The following RAB11FIP2 variants were observed in gnomAD, a reference collection of about 807,000 sequenced individuals.
The protein encoded by RAB11FIP2 is RAB11 family interacting protein 2.
A neutral mutation model predicts 40.9 loss-of-function variants in RAB11FIP2; 16 were observed. That is an observed-to-expected ratio of 0.39 (90% CI 0.26 to 0.59). RAB11FIP2 has a LOEUF of 0.59. Among genes scored for constraint, RAB11FIP2 ranks in the 20% least tolerant of loss-of-function variants. RAB11FIP2 has a pLI of 0.53. For synonymous variants in RAB11FIP2, 228 were observed against 213.7 expected, an observed-to-expected ratio of 1.07 and a Z score of -0.58; for missense variants, 532 against 606.2, an observed-to-expected ratio of 0.88 and a Z score of 1.28.
chr10:118,026,645 GAGCTC>G (rs1415937011), intron 3 of RAB11FIP2, among the ~76,000 whole-genome samples: 1 of 152,112 alleles, frequency 6.6e-6, no homozygotes, highest in Non-Finnish European at 1.5e-5. Flanking sequence ...AATCTAATTT[GAGCTC>G]AGCCATCTGA....
In RAB11FIP2 at chr10:118,040,385, T is replaced by A. The variant is rs760809175; in HGVS notation, c.534A>T (p.Gly178=). ...TTGCAGAAGACGTATCAGAAAATGT[T>A]CCATCATTTTTTCTACCCTTCATCT... ...KDKMKGRKND[G]TFSDTSSAII... The change falls in exon 2 of 5, where the codon GGA becomes GGT. Residue 178 remains glycine (G), a synonymous_variant. Coordinates refer to ENST00000355624, the MANE Select transcript of RAB11FIP2 (RefSeq NM_014904.3). 4 of 1,613,942 alleles carry A rather than the reference T, an allele frequency of 2.5e-6. No homozygotes were observed. In the South Asian group the frequency reaches 3.3e-5, roughly 13 times the overall value.
Position 118,006,139 on chromosome 10 carries a change from C to T in RAB11FIP2, c.*2859G>A, listed in dbSNP as rs1846088162. 2 of 152,478 alleles carry T rather than the reference C, an allele frequency of 1.3e-5. No homozygotes were observed. Among genetic ancestry groups the T allele is most frequent in the South Asian group, 2.1e-4 (1 of 4,826 alleles). The allele number at this position is 152,478 out of a possible 1,614,324, so 9.4% of individuals were successfully genotyped here. ...TTTTATATACAATTCTAAGATATGA[C>T]CCTGGTATTCAATAAATGAAACTTG... is the stretch of plus-strand genomic sequence containing the variant. On this transcript the variant is annotated 3_prime_UTR_variant, in exon 5 of 5. Transcript: ENST00000355624.
chr10:118,046,433 CCT>C lies in RAB11FIP2; in HGVS notation c.-272_-271del, dbSNP rs1291487724. On this transcript the variant is annotated 5_prime_UTR_variant, in exon 1 of 5. Coordinates refer to ENST00000355624, the MANE Select transcript of RAB11FIP2 (RefSeq NM_014904.3). Reference sequence around the variant, plus strand: ...GCAGGCCTCTGCGCGGACCCCCGCCCCTGTCTCCACCTTCCCCAGGCCTGCGG... The same window carrying C: ...GCAGGCCTCTGCGCGGACCCCCGCCCGTCTCCACCTTCCCCAGGCCTGCGG... 2.7e-5 allele frequency: 11 copies of C among 412,362 alleles called. No homozygotes were observed. The highest frequency in any genetic ancestry group is 6.3e-5 in the African/African-American group (3 of 47,968). The allele number at this position is 412,362 out of a possible 1,614,324, so 25.5% of individuals were successfully genotyped here.
chr10:118,035,403 G>A (rs1846468309), intron 3 of RAB11FIP2, among the ~76,000 whole-genome samples: 1 of 152,084 alleles, frequency 6.6e-6, no homozygotes, highest in African/African-American at 2.4e-5. Context: ...ACAATGTTTA[G>A]TTGTACATAA....
intron 3 of RAB11FIP2, among the ~76,000 whole-genome samples, chr10:118,018,898 GGTTT>G (rs1325559202): frequency 6.6e-5 from 10 of 151,794 alleles, no homozygotes; most frequent in African/African-American, 2.2e-4. Flanking sequence ...GATCAAAGTG[GGTTT>G]TTTTTGTTTT....
rs1846095427 is a variant in RAB11FIP2, at chr10:118,006,748, G to T, written c.*2250C>A. ...TCAGGCAGTGATGAATGTATTAATA[G>T]ATCTAGTTTTAAATATAATACTTGT... On this transcript the variant is annotated 3_prime_UTR_variant, in exon 5 of 5. Coordinates refer to ENST00000355624, the MANE Select transcript of RAB11FIP2 (RefSeq NM_014904.3). 1 of 151,956 alleles carries T rather than the reference G, an allele frequency of 6.6e-6. No homozygotes were observed. The highest frequency in any genetic ancestry group is 6.6e-5 in the Admixed American group (1 of 15,246). 9.4% of individuals were successfully genotyped at this position (151,956 alleles called of 1,614,324 possible). A position where few individuals can be genotyped will look rare whatever the true frequency, so the allele number is the denominator to read the frequency against.
intron 4 of RAB11FIP2, 66 bp from the exon 5 acceptor site, chr10:118,009,291 T>A: frequency 7.1e-7 from 1 of 1,410,892 alleles, no homozygotes; most frequent in Non-Finnish European, 9.7e-7. Flanking sequence ...AAGAATTACC[T>A]GGAACTTCGA....
At chr10:118,009,546 T>A (rs547492636) in intron 4 of RAB11FIP2, among the ~76,000 whole-genome samples, 109 of 152,162 alleles carry the variant, frequency 7.2e-4, no homozygotes, top group African/African-American at 2.6e-3. Context: ...ACAACTAAAA[T>A]AGATGAAAAC....
At chr10:118,042,550 T>C (rs1486260524) in intron 1 of RAB11FIP2, among the ~76,000 whole-genome samples, 1 of 152,230 alleles carries the variant, frequency 6.6e-6, no homozygotes, top group African/African-American at 2.4e-5. Flanking sequence ...CAGGACACTG[T>C]ATTTAATAAG....
intron 3 of RAB11FIP2, among the ~76,000 whole-genome samples, chr10:118,025,043 A>G (rs77515271): frequency 0.048 from 7,353 of 152,224 alleles, 570 homozygotes; most frequent in African/African-American, 0.17. Context: ...AACTGCTGGC[A>G]TGACTGGGGG....
chr10:118,024,255 C>A (rs1427143615), intron 3 of RAB11FIP2, among the ~76,000 whole-genome samples: 1 of 151,908 alleles, frequency 6.6e-6, no homozygotes, highest in East Asian at 1.9e-4. Flanking sequence ...AAGAATAAAT[C>A]CAACAACAAG....
intron 4 of RAB11FIP2, among the ~76,000 whole-genome samples, chr10:118,011,935 C>T (rs1398420433): frequency 6.6e-6 from 1 of 151,822 alleles, no homozygotes; most frequent in Non-Finnish European, 1.5e-5. Flanking sequence ...TAAAATTACA[C>T]ATATATAAAC....
rs370503323 is a variant in RAB11FIP2 at position 118,040,237 on chromosome 10, T to A, written c.682A>T (p.Met228Leu). ...ATATGGGACCCAGATAAATCAGACATTGAATGCGCTGACGAGAGTCGCTGA... is the reference window on the plus strand; with the variant it reads ...ATATGGGACCCAGATAAATCAGACAATGAATGCGCTGACGAGAGTCGCTGA... ...GPQRLSSAHS[M>L]SDLSGSHMSS... The change falls in exon 2 of 5, where the codon ATG (methionine) becomes TTG (leucine). Residue 228 changes from methionine (M) to leucine (L), a missense_variant. Physicochemically the swap from Met to Leu is conservative, Grantham distance 15. Coordinates refer to ENST00000355624, the MANE Select transcript of RAB11FIP2 (RefSeq NM_014904.3). The A allele has an allele frequency of 1.2e-6, 2 of 1,613,790 alleles. No individual in the cohort carries two copies. The highest frequency in any genetic ancestry group is 1.7e-6 in the Non-Finnish European group (2 of 1,179,786).
rs142779822 is a variant in RAB11FIP2 at position 118,009,113 on chromosome 10, C to T, written c.1424G>A (p.Arg475Gln). ...GTTGTCGATGTAGTCCTCGAGTTCC[C>T]GGATGTGGGTGTCTTTCCTCCTAAG... ...ELLRRKDTHI[R>Q]ELEDYIDNLL... is the part of the protein sequence containing the mutation. Residue 475 changes from arginine (R) to glutamine (Q), a missense_variant, in exon 5 of 5, where the codon CGG becomes CAG. Physicochemically the swap from Arg to Gln is conservative, Grantham distance 43. Coordinates refer to ENST00000355624, the MANE Select transcript of RAB11FIP2 (RefSeq NM_014904.3). 6.2e-6 allele frequency: 10 copies of T among 1,613,546 alleles called. No homozygotes were observed. The highest frequency in any genetic ancestry group is 1.1e-5 in the South Asian group (1 of 91,068).
intron 3 of RAB11FIP2, among the ~76,000 whole-genome samples, chr10:118,019,731 C>T (rs1197651845): frequency 6.6e-6 from 1 of 151,304 alleles, no homozygotes; most frequent in African/African-American, 2.4e-5. Context: ...GAGGCTGAGG[C>T]AAGAGAATGG....
chr10:118,026,267 T>C (rs957832887), intron 3 of RAB11FIP2, among the ~76,000 whole-genome samples: 2 of 152,232 alleles, frequency 1.3e-5, no homozygotes, highest in African/African-American at 4.8e-5. Flanking sequence ...AGTCTAACAA[T>C]ACTTAACATT....
chr10:118,015,411 A>C (rs1846206501), intron 3 of RAB11FIP2, among the ~76,000 whole-genome samples: 1 of 152,176 alleles, frequency 6.6e-6, no homozygotes, highest in African/African-American at 2.4e-5. Context: ...TTGCAAAACT[A>C]ATTTGTGTGA....
intron 3 of RAB11FIP2, among the ~76,000 whole-genome samples, chr10:118,023,995 C>T (rs747666116): frequency 1.3e-5 from 2 of 151,098 alleles, no homozygotes; most frequent in African/African-American, 4.9e-5. Flanking sequence ...GAGGCTGAGG[C>T]AGGAGGATTG....
chr10:118,033,125 G>T (rs1026137839), intron 3 of RAB11FIP2, among the ~76,000 whole-genome samples: 1 of 152,064 alleles, frequency 6.6e-6, no homozygotes, highest in Admixed American at 6.6e-5. Flanking sequence ...CTGGTTTCAG[G>T]AATCCACTGG....
Sources: gnomAD v4.1 joint callset for allele counts (sites outside exome capture counted in the v4.1 genomes callset) on GRCh38, gnomAD v4.1.1 for gene constraint, MANE v1.5 for transcripts, NCBI Gene and HGNC (gene_info 2026-07-23, HGNC 2026-07-21) for gene names.